Variants in MAP3K2 observed in about 807,000 individuals in gnomAD.
The protein encoded by MAP3K2 is MAP/ERK kinase kinase 2.
MAP3K2 carries 24 observed loss-of-function variants against 80.3 expected under a neutral mutation model. The observed-to-expected ratio is 0.30, with a 90% confidence interval of 0.22 to 0.42. The LOEUF (loss-of-function observed/expected upper bound fraction) is 0.42, where lower values mean the gene tolerates loss of function less well. Among genes scored for constraint, MAP3K2 ranks in the 10% least tolerant of loss-of-function variants. MAP3K2 has a pLI of 1.00. For missense variants in MAP3K2, 608 were observed against 750.1 expected (o/e 0.81, Z 2.21); for synonymous variants, 244 against 253.7 (o/e 0.96, Z 0.36).
chr2:127,334,094 C>T (rs1573989468), intron 5 of MAP3K2, among the ~76,000 whole-genome samples: 1 of 151,878 alleles, frequency 6.6e-6, no homozygotes, highest in South Asian at 2.1e-4. Flanking sequence ...AGTGAAACCT[C>T]GTCTCACACA....
intron 1 of MAP3K2, among the ~76,000 whole-genome samples, chr2:127,385,966 T>C (rs900593960): frequency 6.6e-6 from 1 of 152,246 alleles, no homozygotes; most frequent in South Asian, 2.1e-4. Flanking sequence ...TCTATAATGA[T>C]ATCATATACA....
chr2:127,317,467 C>G (rs997909578), intron 14 of MAP3K2, among the ~76,000 whole-genome samples, 162 bp downstream of exon 14: 4 of 152,148 alleles, frequency 2.6e-5, no homozygotes, highest in Non-Finnish European at 2.9e-5. Context: ...AATACAAAGA[C>G]AGAGGAAGAG....
rs547070943 is a variant in MAP3K2 at position 127,315,269 on chromosome 2, T to C, written c.1327-386A>G. ...GAAGTGAGGAATAGGTATTTGAATT[T>C]TGAAAACTTCCCTAGTGATTCCAAT... On this transcript the variant is annotated intron_variant, in intron 14 of 16. Coordinates refer to ENST00000682094, the MANE Select transcript of MAP3K2 (RefSeq NM_001371910.2). Among the ~76,000 whole-genome samples, 42 of 152,362 alleles carry C rather than the reference T, an allele frequency of 2.8e-4. No homozygotes were observed. In the South Asian group the frequency reaches 5.4e-3, roughly 20 times the overall value.
At chr2:127,369,658 G>A (rs543428752) in intron 1 of MAP3K2, among the ~76,000 whole-genome samples, 1 of 152,136 alleles carries the variant, frequency 6.6e-6, no homozygotes, top group African/African-American at 2.4e-5. Flanking sequence ...TGTCTCCGTG[G>A]GAGGGCTGTT....
rs1415639465 is a variant in MAP3K2 at position 127,299,725 on chromosome 2, AAAATAC to A, written c.*7848_*7853del. On this transcript the variant is annotated 3_prime_UTR_variant, in exon 17 of 17. Transcript: ENST00000682094. ...TAAGTATGACTTGCATTCAATTCTG[AAAATAC>A]AAATACATTTTGAATGGCTAAAAAC... 1.3e-5 allele frequency: 2 copies of A among 152,196 alleles called. No individual in the cohort carries two copies. The highest frequency in any genetic ancestry group is 4.8e-5 in the African/African-American group (2 of 41,466). The allele number at this position is 152,196 out of a possible 1,614,324, so 9.4% of individuals were successfully genotyped here.
chr2:127,382,384 A>AGTG (rs199880527), intron 1 of MAP3K2, among the ~76,000 whole-genome samples: 5,158 of 152,242 alleles, frequency 0.034, 123 homozygotes, highest in Middle Eastern at 0.071. Context: ...TCTGCTTCAT[A>AGTG]GTGTTTTTTA....
At chr2:127,371,372 T>A (rs566104537) in intron 1 of MAP3K2, among the ~76,000 whole-genome samples, 1 of 152,174 alleles carries the variant, frequency 6.6e-6, no homozygotes, top group Non-Finnish European at 1.5e-5. Flanking sequence ...TATGCACAAG[T>A]GTCTTTGTGC....
In MAP3K2 at chr2:127,305,969, G is replaced by C. The variant is rs948700095; in HGVS notation, c.*1610C>G. On this transcript the variant is annotated 3_prime_UTR_variant, in exon 17 of 17. Transcript: ENST00000682094. ...TTTGCCCAAAATCATGAATTTTAAGGAAAGAATATATAGAGATGGCTGAGT... is the reference window on the plus strand; with the variant it reads ...TTTGCCCAAAATCATGAATTTTAAGCAAAGAATATATAGAGATGGCTGAGT... 1 of 149,646 alleles carries C rather than the reference G, an allele frequency of 6.7e-6. No individual in the cohort carries two copies. The highest frequency in any genetic ancestry group is 2.5e-5 in the African/African-American group (1 of 40,536). 9.3% of individuals were successfully genotyped at this position (149,646 alleles called of 1,614,324 possible).
intron 3 of MAP3K2, 25 bp downstream of exon 3, chr2:127,338,907 A>C: frequency 1.4e-6 from 2 of 1,458,692 alleles, no homozygotes; most frequent in Non-Finnish European, 1.9e-6. Flanking sequence ...GTAATTCATA[A>C]AAAAATACTT....
intron 1 of MAP3K2, among the ~76,000 whole-genome samples, chr2:127,355,146 C>T (rs1240883275): frequency 6.6e-6 from 1 of 151,996 alleles, no homozygotes; most frequent in Non-Finnish European, 1.5e-5. Flanking sequence ...GAAGAAATGC[C>T]ATAACTGTTT....
At position 127,387,900 on chromosome 2, in the gene MAP3K2, A is replaced by G; in HGVS notation, c.-514T>C. On this transcript the variant is annotated 5_prime_UTR_variant, in exon 1 of 17. Coordinates refer to ENST00000682094, the MANE Select transcript of MAP3K2 (RefSeq NM_001371910.2). ...CGTGCAACCCCCGAACGCTGCGCCC[A>G]GCGGCCGCGGCACCCTCGTCAGGCG... 1.0e-6 allele frequency: 1 copy of G among 981,680 alleles called. No individual in the cohort carries two copies. Among genetic ancestry groups the G allele is most frequent in the Non-Finnish European group, 1.2e-6 (1 of 827,040 alleles). 60.8% of individuals were successfully genotyped at this position (981,680 alleles called of 1,614,324 possible).
In MAP3K2 at chr2:127,307,622, GA is replaced by G; in HGVS notation, c.1816del (p.Ser606GlnfsTer6). ...CATGTGCCTTAAGAGTTCATCAGCTGAAGGTCTCAGTTTGGCCTCTACAAAA... is the reference window on the plus strand; with the variant it reads ...CATGTGCCTTAAGAGTTCATCAGCTGAGGTCTCAGTTTGGCCTCTACAAAA... The part of the protein sequence containing the change: ...RIFVEAKLRP[S>X]ADELLRHMFV... On this transcript the variant is annotated frameshift_variant, in exon 17 of 17. Coordinates refer to ENST00000682094, the MANE Select transcript of MAP3K2 (RefSeq NM_001371910.2). LOFTEE classifies it high-confidence loss of function. This position sits in a 1 kb window ranked among gnomAD's most constrained non-coding sequence, Gnocchi z 5.4. 1 of 1,583,706 alleles carries G rather than the reference GA, an allele frequency of 6.3e-7. No individual in the cohort carries two copies. The highest frequency in any genetic ancestry group is 1.2e-5 in the South Asian group (1 of 86,494).
At chr2:127,332,623 T>C (rs1305482111) in intron 5 of MAP3K2, among the ~76,000 whole-genome samples, 2 of 152,240 alleles carry the variant, frequency 1.3e-5, no homozygotes, top group Non-Finnish European at 2.9e-5. Flanking sequence ...ATAAATCAGA[T>C]AATGTTTTCT....
At chr2:127,371,749 T>C (rs1574006552) in intron 1 of MAP3K2, among the ~76,000 whole-genome samples, 1 of 151,850 alleles carries the variant, frequency 6.6e-6, no homozygotes, top group African/African-American at 2.4e-5. Flanking sequence ...GAGAGGCAGG[T>C]CATATGAAGA....
chr2:127,317,901 CTT>C, intron 13 of MAP3K2, 141 bp from the exon 14 acceptor site: 1 of 798,232 alleles, frequency 1.3e-6, no homozygotes, highest in East Asian at 2.7e-5. Context: ...TAACCAATAA[CTT>C]TTTAAACAGT....
At chr2:127,333,304 A>ACACC (rs1553517135) in intron 5 of MAP3K2, among the ~76,000 whole-genome samples, 32 of 146,542 alleles carry the variant, frequency 2.2e-4, no homozygotes, top group African/African-American at 3.6e-4. Flanking sequence ...ACACACACAC[A>ACACC]CCCCTTATTA....
rs895342649 is a variant in MAP3K2 at position 127,310,592 on chromosome 2, G to A, written c.1457-1830C>T. ...CTTAAGCCCAGAGGGCCAAGGCTGCGGTGAACTGAGATCATGCCACTGCAC... is the reference window on the plus strand; with the variant it reads ...CTTAAGCCCAGAGGGCCAAGGCTGCAGTGAACTGAGATCATGCCACTGCAC... On this transcript the variant is annotated intron_variant, in intron 15 of 16. Transcript: ENST00000682094. This position sits in a 1 kb window ranked among gnomAD's most constrained non-coding sequence, Gnocchi z 4.8. 5.9e-5 allele frequency among the ~76,000 whole-genome samples: 9 copies of A among 152,186 alleles called. No homozygotes were observed. Among genetic ancestry groups the A allele is most frequent in the Non-Finnish European group, 7.4e-5 (5 of 67,996 alleles).
intron 1 of MAP3K2, among the ~76,000 whole-genome samples, chr2:127,345,653 G>C (rs1164691166): frequency 6.6e-6 from 1 of 152,156 alleles, no homozygotes; most frequent in Non-Finnish European, 1.5e-5. Context: ...TAACTACATG[G>C]ATTGAAATCA....
Position 127,302,873 on chromosome 2 carries a change from CATTTATTT to C in MAP3K2, c.*4698_*4705del, listed in dbSNP as rs150797693. On this transcript the variant is annotated 3_prime_UTR_variant, in exon 17 of 17. Coordinates refer to ENST00000682094, the MANE Select transcript of MAP3K2 (RefSeq NM_001371910.2). ...ACAAATCCTAATGTTTCTCTCCTAA[CATTTATTT>C]ATTTATTTATTTATTTTTTTAAAAA... The C allele has an allele frequency of 6.6e-6, 1 of 151,910 alleles. No homozygotes were observed. The highest frequency in any genetic ancestry group is 1.5e-5 in the Non-Finnish European group (1 of 68,002). The allele number at this position is 151,910 out of a possible 1,614,324, so 9.4% of individuals were successfully genotyped here.
Sources: gnomAD v4.1 joint callset for allele counts (sites outside exome capture counted in the v4.1 genomes callset) on GRCh38, gnomAD v4.1.1 for gene constraint, Gnocchi (gnomAD v3.1) non-coding constraint, MANE v1.5 for transcripts, NCBI Gene and HGNC (gene_info 2026-07-23, HGNC 2026-07-21) for gene names.